The following PDE8B variants were observed in gnomAD, a reference collection of about 807,000 sequenced individuals.
PDE8B encodes the protein phosphodiesterase 8B, also known as high affinity cAMP-specific and IBMX-insensitive 3',5'-cyclic phosphodiesterase 8B.
A neutral mutation model predicts 101.3 loss-of-function variants in PDE8B; 26 were observed. That is an observed-to-expected ratio of 0.26 (90% confidence interval 0.19 to 0.36). The LOEUF is 0.36. PDE8B is among the 10% of genes least tolerant of loss of function. PDE8B has a pLI of 1.00. For missense variants in PDE8B, 810 were observed against 1,163.1 expected (o/e 0.70, Z 4.42); for synonymous variants, 424 against 429.3 (o/e 0.99, Z 0.15).
Position 77,397,504 on chromosome 5 carries a change from C to T in PDE8B, c.1168-2744C>T, listed in dbSNP as rs749003736. Among the ~76,000 whole-genome samples, 8 of 152,130 alleles carry T rather than the reference C, an allele frequency of 5.3e-5. No homozygotes were observed. The East Asian group carries it at 1.5e-3, about 29-fold the overall frequency. On this transcript the variant is annotated intron_variant, in intron 10 of 21. Coordinates refer to ENST00000264917, the MANE Select transcript of PDE8B (RefSeq NM_003719.5). ...TCAAATAGCTTCTCTCCCACCTTTA[C>T]ACAACCCACCCAAAGACATGACTCA...
At chr5:77,408,756 G>A (rs1348986114) in intron 13 of PDE8B, 137 bp from the exon 14 acceptor site, 1 of 738,912 alleles carries the variant, frequency 1.4e-6, no homozygotes, top group African/African-American at 1.7e-5. Context: ...AGGAAGAAGG[G>A]CGGTGCCGTG....
chr5:77,254,780 T>C (rs576387171), intron 1 of PDE8B, among the ~76,000 whole-genome samples: 3 of 152,368 alleles, frequency 2.0e-5, no homozygotes, highest in African/African-American at 7.2e-5. Flanking sequence ...AAATGTCTTA[T>C]GTTTTCCTGG....
intron 1 of PDE8B, among the ~76,000 whole-genome samples, chr5:77,281,823 C>T: frequency 6.6e-6 from 1 of 152,140 alleles, no homozygotes; most frequent in Non-Finnish European, 1.5e-5. Flanking sequence ...GAATTTGTGT[C>T]ATTATCACTT....
At chr5:77,185,338 A>G in the PDE8B span, among the ~76,000 whole-genome samples, 1 of 152,156 alleles carries the variant, frequency 6.6e-6, no homozygotes, top group Non-Finnish European at 1.5e-5. Flanking sequence ...AGCATTGGTT[A>G]ATTCTGAGGA....
chr5:77,376,607 C>T (rs1055209631), intron 10 of PDE8B, among the ~76,000 whole-genome samples: 2 of 152,148 alleles, frequency 1.3e-5, no homozygotes, highest in Non-Finnish European at 2.9e-5. Flanking sequence ...ATTAGAGATG[C>T]CCTTTTTTCT....
the PDE8B span, among the ~76,000 whole-genome samples, chr5:77,108,934 T>C: frequency 3.3e-5 from 5 of 152,300 alleles, no homozygotes; most frequent in African/African-American, 7.2e-5. Flanking sequence ...GGGGTTGGTA[T>C]GTTGCTTCTG....
the PDE8B span, among the ~76,000 whole-genome samples, chr5:77,128,365 A>G: frequency 1.1e-3 from 169 of 152,324 alleles, 2 homozygotes; most frequent in Non-Finnish European, 3.4e-4. Flanking sequence ...CTGGGTAAAG[A>G]TCTCCCAAGG....
At chr5:77,279,515 T>C (rs1764541163) in intron 1 of PDE8B, among the ~76,000 whole-genome samples, 1 of 152,196 alleles carries the variant, frequency 6.6e-6, no homozygotes, top group South Asian at 2.1e-4. Flanking sequence ...CTCCTCCCCG[T>C]CAATCCTCTT....
Position 77,289,196 on chromosome 5 carries a change from A to T in PDE8B, c.340-22798A>T, listed in dbSNP as rs1196552939. Among the ~76,000 whole-genome samples the T allele has an allele frequency of 2.6e-5, 4 of 152,180 alleles. No homozygotes were observed. The East Asian group carries it at 5.8e-4, about 22-fold the overall frequency. On this transcript the variant is annotated intron_variant, in intron 1 of 21. Transcript: ENST00000264917. ...TATCAGATTCTCTAAAAGGTTTTGA[A>T]ACGTAAGGTGAAAAGGGAAATGATA... is the stretch of plus-strand genomic sequence containing the variant.
chr5:77,319,319 A>G (rs1249720582), intron 2 of PDE8B, among the ~76,000 whole-genome samples: 1 of 152,186 alleles, frequency 6.6e-6, no homozygotes, highest in Admixed American at 6.6e-5. Flanking sequence ...TCAGTAACTT[A>G]TCGCTTTTTT....
chr5:77,131,054 A>G, the PDE8B span: 1 of 152,380 alleles, frequency 6.6e-6, no homozygotes, highest in Non-Finnish European at 1.5e-5. Context: ...CAATGTCTCT[A>G]ACCTTGTGCC....
chr5:77,412,077 C>T (rs2151097052), intron 15 of PDE8B, 23 bp from the exon 16 acceptor site: 1 of 1,613,736 alleles, frequency 6.2e-7, no homozygotes, highest in East Asian at 2.2e-5. Context: ...AACCAGCCTC[C>T]CCCATCCCAT....
At chr5:77,396,595 C>A (rs1277851708) in intron 10 of PDE8B, among the ~76,000 whole-genome samples, 2 of 152,260 alleles carry the variant, frequency 1.3e-5, no homozygotes, top group African/African-American at 4.8e-5. Flanking sequence ...AGGAATCAAT[C>A]AAAAGTTCCT....
At chr5:77,366,172 C>T (rs1784096531) in intron 10 of PDE8B, among the ~76,000 whole-genome samples, 2 of 151,888 alleles carry the variant, frequency 1.3e-5, no homozygotes, top group South Asian at 4.1e-4. Context: ...TATACAGTTT[C>T]CTGCTTTAAT....
chr5:77,359,393 C>T (rs907247422), intron 10 of PDE8B, among the ~76,000 whole-genome samples: 1 of 152,174 alleles, frequency 6.6e-6, no homozygotes. Flanking sequence ...AGGAGGCTGC[C>T]TAGTTTCAGG....
chr5:77,373,858 C>T (rs759028672), intron 10 of PDE8B, among the ~76,000 whole-genome samples: 14 of 151,822 alleles, frequency 9.2e-5, no homozygotes, highest in Non-Finnish European at 1.6e-4. Context: ...ACTATTTTTT[C>T]GTTTTTTTGA....
chr5:77,161,238 C>A, the PDE8B span, among the ~76,000 whole-genome samples: 1 of 152,064 alleles, frequency 6.6e-6, no homozygotes, highest in South Asian at 2.1e-4. Context: ...GATCTAATTT[C>A]CATAATTTTA....
intron 1 of PDE8B, among the ~76,000 whole-genome samples, chr5:77,256,896 TTTTG>T (rs1224842164): frequency 3.3e-5 from 5 of 152,354 alleles, no homozygotes; most frequent in Admixed American, 6.5e-5. Context: ...TTCTTGATTA[TTTTG>T]TTTAACTGGT....
At chr5:77,398,955 CAAAG>C (rs1280831374) in intron 10 of PDE8B, among the ~76,000 whole-genome samples, 6 of 152,154 alleles carry the variant, frequency 3.9e-5, no homozygotes, top group African/African-American at 1.4e-4. Flanking sequence ...GCTGAGAGGC[CAAAG>C]AAAGAGGCTG....
Sources: allele counts gnomAD v4.1 joint callset (sites outside exome capture counted in the v4.1 genomes callset), GRCh38; gene constraint gnomAD v4.1.1; transcripts MANE v1.5; gene names NCBI Gene and HGNC (gene_info 2026-07-23, HGNC 2026-07-21).